ZFHX3: variants seen among roughly 807,000 people sequenced by gnomAD.
ZFHX3 encodes the protein zinc finger homeobox protein 3.
ZFHX3 carries 42 observed loss-of-function variants against 279.1 expected under a neutral mutation model. The observed-to-expected ratio is 0.15, with a 90% CI of 0.12 to 0.19. The LOEUF is 0.19. ZFHX3 is among the 10% of genes least tolerant of loss of function. The pLI is 1.00. For synonymous variants in ZFHX3, 2,293 were observed against 1,957.8 expected (o/e 1.17, Z -4.52); for missense variants, 4,981 against 4,754.0 (o/e 1.05, Z -1.40).
At chr16:73,782,826 T>G (rs147718455) in intron 1 of ZFHX3, among the ~76,000 whole-genome samples, 3 of 151,804 alleles carry the variant, frequency 2.0e-5, no homozygotes, top group African/African-American at 7.3e-5. Context: ...CAGACCCTTA[T>G]CCAACACTGA....
intron 4 of ZFHX3, among the ~76,000 whole-genome samples, chr16:72,878,457 A>G (rs1487497020): frequency 2.6e-5 from 4 of 152,180 alleles, no homozygotes; most frequent in Admixed American, 2.0e-4. Flanking sequence ...ATGCTTCTGA[A>G]ATGGACTCAC....
chr16:72,892,891 A>T (rs893000671), intron 3 of ZFHX3, among the ~76,000 whole-genome samples: 1 of 152,150 alleles, frequency 6.6e-6, no homozygotes, highest in Non-Finnish European at 1.5e-5. Flanking sequence ...GGAGGATGGG[A>T]TGCACTGAGG....
chr16:73,051,498 ACATTTTTCTGCTGAAG>A (rs563735791), upstream of ZFHX3, among the ~76,000 whole-genome samples: 93 of 152,282 alleles, frequency 6.1e-4, no homozygotes, highest in African/African-American at 2.1e-3. Flanking sequence ...GTTTTGATTC[ACATTTTTCTGCTGAAG>A]CCTCAAGGCC....
At chr16:72,852,900 T>C (rs994109566) in intron 4 of ZFHX3, among the ~76,000 whole-genome samples, 1 of 152,250 alleles carries the variant, frequency 6.6e-6, no homozygotes. Context: ...TATCCGTTCA[T>C]GCCTCCTAGG....
chr16:73,703,794 T>C (rs16972333), intron 1 of ZFHX3, among the ~76,000 whole-genome samples: 4,013 of 152,228 alleles, frequency 0.026, 180 homozygotes, highest in African/African-American at 0.091. Context: ...AGGTTTAAGA[T>C]GCACTAACAG....
chr16:72,927,658 C>T (rs908776797), intron 3 of ZFHX3, among the ~76,000 whole-genome samples: 2 of 151,860 alleles, frequency 1.3e-5, no homozygotes, highest in African/African-American at 2.4e-5. Context: ...GCAGGCCCTC[C>T]GCACAGCCCC....
chr16:73,009,168 A>G (rs1030762484), intron 1 of ZFHX3, among the ~76,000 whole-genome samples: 1 of 152,174 alleles, frequency 6.6e-6, no homozygotes, highest in Non-Finnish European at 1.5e-5. Flanking sequence ...TATAAGCATC[A>G]TACCGTATCA....
chr16:73,822,743 T>A (rs1327895155), intron 1 of ZFHX3, among the ~76,000 whole-genome samples: 2 of 152,206 alleles, frequency 1.3e-5, no homozygotes, highest in Non-Finnish European at 2.9e-5. Context: ...TGAGGCATAA[T>A]CCATACATTT....
chr16:73,052,881 G>T (rs1214524384), upstream of ZFHX3, among the ~76,000 whole-genome samples: 1 of 152,142 alleles, frequency 6.6e-6, no homozygotes, highest in Non-Finnish European at 1.5e-5. Flanking sequence ...TGGTCTGGGA[G>T]AAAAAGTACC....
intron 3 of ZFHX3, among the ~76,000 whole-genome samples, chr16:73,455,006 C>T (rs536903742): frequency 6.6e-6 from 1 of 152,136 alleles, no homozygotes; most frequent in East Asian, 1.9e-4. Context: ...CAAGAACATG[C>T]TACTTATTTT....
At chr16:72,847,632 G>C (rs945251348) in intron 4 of ZFHX3, among the ~76,000 whole-genome samples, 14 of 152,124 alleles carry the variant, frequency 9.2e-5, no homozygotes, top group African/African-American at 2.2e-4. Flanking sequence ...AAGGGGAGGG[G>C]TGGCAGGTAA....
At chr16:73,065,196 C>G (rs1567655933) in intron 8 of ZFHX3, among the ~76,000 whole-genome samples, 1 of 152,216 alleles carries the variant, frequency 6.6e-6, no homozygotes, top group African/African-American at 2.4e-5. Flanking sequence ...TGCACATAGC[C>G]CTCCTGGGCC....
chr16:72,788,660 G>T lies in ZFHX3; in HGVS notation c.9616C>A (p.Gln3206Lys). ...GGCGGCGGGGGAGGCTGCTGCACCTGTGGTTGCTGCTGCTGCTGCTGCTGC... is the reference window on the plus strand; with the variant it reads ...GGCGGCGGGGGAGGCTGCTGCACCTTTGGTTGCTGCTGCTGCTGCTGCTGC... ...PQQQQQQQQP[Q>K]VQQPPPPPAA... The change falls in exon 10 of 10, where the codon CAG (glutamine) becomes AAG (lysine). Residue 3206 changes from glutamine (Q) to lysine (K), a missense_variant. This residue lies in a region of ZFHX3 where 1,034 missense variants were observed against 786.0 expected (regional missense o/e 1.32). Transcript: ENST00000268489. 1 of 1,613,376 alleles carries T rather than the reference G, an allele frequency of 6.2e-7. No homozygotes were observed.
At chr16:73,525,494 A>G (rs1207217407) in intron 2 of ZFHX3, among the ~76,000 whole-genome samples, 2 of 152,194 alleles carry the variant, frequency 1.3e-5, no homozygotes, top group East Asian at 3.9e-4. Flanking sequence ...CTTAGTTTCA[A>G]GAAGAACAAA....
chr16:73,718,624 T>G (rs2053441408), intron 1 of ZFHX3, among the ~76,000 whole-genome samples: 1 of 149,934 alleles, frequency 6.7e-6, no homozygotes, highest in African/African-American at 2.4e-5. Context: ...ATTTATTTAT[T>G]TATTTTTTTA....
chr16:73,603,240 G>A (rs2052141652), intron 2 of ZFHX3, among the ~76,000 whole-genome samples: 1 of 150,306 alleles, frequency 6.7e-6, no homozygotes, highest in Admixed American at 6.6e-5. Flanking sequence ...AGCCAAGATT[G>A]CGACACTGCA....
At chr16:73,263,355 T>A (rs369855464) in intron 4 of ZFHX3, among the ~76,000 whole-genome samples, 2 of 152,156 alleles carry the variant, frequency 1.3e-5, no homozygotes, top group African/African-American at 4.8e-5. Flanking sequence ...TAACTTATTT[T>A]TATTTTCATT....
chr16:73,633,902 A>G (rs994726928), intron 2 of ZFHX3, among the ~76,000 whole-genome samples: 1 of 152,172 alleles, frequency 6.6e-6, no homozygotes, highest in African/African-American at 2.4e-5. Flanking sequence ...CATCACAAAA[A>G]AAAAAAGGCT....
chr16:73,330,805 A>G (rs2015787439), intron 3 of ZFHX3, among the ~76,000 whole-genome samples: 1 of 152,220 alleles, frequency 6.6e-6, no homozygotes, highest in South Asian at 2.1e-4. Context: ...TTAAGACATG[A>G]TGATTTTCCC....
Sources: gnomAD v4.1 joint callset for allele counts (sites outside exome capture counted in the v4.1 genomes callset) on GRCh38, gnomAD v4.1.1 for gene constraint, gnomAD v4.1.1 regional missense constraint, MANE v1.5 for transcripts, NCBI Gene and HGNC (gene_info 2026-07-23, HGNC 2026-07-21) for gene names.